IL1RAPL1: variants seen among roughly 807,000 people sequenced by gnomAD.
The protein encoded by IL1RAPL1 is interleukin 1 receptor accessory protein like 1.
A neutral mutation model predicts 48.4 loss-of-function variants in IL1RAPL1; 3 were observed. The observed-to-expected ratio is 0.06, with a 90% CI of 0.03 to 0.16. The LOEUF (loss-of-function observed/expected upper bound fraction) is 0.16. IL1RAPL1 is among the 10% of genes least tolerant of loss of function. The pLI is 1.00. For missense variants in IL1RAPL1, 349 were observed against 530.6 expected, an observed-to-expected ratio of 0.66 and a Z score of 3.36; for synonymous variants, 185 against 187.7, an observed-to-expected ratio of 0.99 and a Z score of 0.12.
intron 2 of IL1RAPL1, among the ~76,000 whole-genome samples, chrX:28,922,787 C>T (rs767686617): frequency 6.1e-4 from 68 of 111,975 alleles, no homozygotes; most frequent in African/African-American, 1.9e-3. Context: ...TATAAGGAGA[C>T]TACATTGTGG....
intron 8 of IL1RAPL1, among the ~76,000 whole-genome samples, chrX:29,941,449 A>T (rs1389043688): frequency 8.9e-6 from 1 of 112,008 alleles, no homozygotes; most frequent in Non-Finnish European, 1.9e-5. Context: ...TGGTTGTCAC[A>T]TACCACCTTA....
chrX:29,642,717 A>G (rs1925204491), intron 5 of IL1RAPL1, among the ~76,000 whole-genome samples: 1 of 112,315 alleles, frequency 8.9e-6, no homozygotes, highest in African/African-American at 3.2e-5. Flanking sequence ...GCTCTAGACC[A>G]ATCATTTCTA....
intron 3 of IL1RAPL1, among the ~76,000 whole-genome samples, chrX:29,373,373 T>G (rs1316124812): frequency 8.9e-6 from 1 of 112,023 alleles, no homozygotes; most frequent in Admixed American, 9.5e-5. Context: ...GAGAGAGAGT[T>G]TGAATTCTTA....
At chrX:29,820,776 G>T (rs1159698648) in intron 6 of IL1RAPL1, among the ~76,000 whole-genome samples, 1 of 111,987 alleles carries the variant, frequency 8.9e-6, no homozygotes, top group Non-Finnish European at 1.9e-5. Flanking sequence ...GTAAGTATTA[G>T]AGTCAAGGCT....
chrX:28,735,081 A>G (rs1208810312), intron 1 of IL1RAPL1, among the ~76,000 whole-genome samples: 3 of 111,949 alleles, frequency 2.7e-5, no homozygotes, highest in Non-Finnish European at 5.6e-5. Context: ...GTTCTGTACC[A>G]CCTATGAAGT....
intron 6 of IL1RAPL1, among the ~76,000 whole-genome samples, chrX:29,772,881 A>G (rs1345515613): frequency 2.7e-5 from 3 of 111,475 alleles, no homozygotes; most frequent in Non-Finnish European, 5.6e-5. Context: ...TTCCTCAGGA[A>G]TCCCTTTAAA....
intron 1 of IL1RAPL1, among the ~76,000 whole-genome samples, chrX:28,755,137 G>C (rs1265838455): frequency 9.0e-6 from 1 of 111,437 alleles, no homozygotes; most frequent in Non-Finnish European, 1.9e-5. Flanking sequence ...GGGATTACAG[G>C]TGCCTGCCAC....
rs916096090 is a variant in IL1RAPL1, at chrX:28,775,177, A to G, written c.-24-14143A>G. On this transcript the variant is annotated intron_variant, in intron 1 of 10. Transcript: ENST00000378993. Reference sequence around the variant, plus strand: ...CTTGTATTTGTCTCCTAGGGCTGCCATAACAAATTACCACAAACAGGGTAG... The same window carrying G: ...CTTGTATTTGTCTCCTAGGGCTGCCGTAACAAATTACCACAAACAGGGTAG... 6.2e-5 allele frequency among the ~76,000 whole-genome samples: 7 copies of G among 112,133 alleles called. No individual in the cohort carries two copies. In the Admixed American group the frequency reaches 6.7e-4, roughly 11 times the overall value.
intron 2 of IL1RAPL1, among the ~76,000 whole-genome samples, chrX:28,961,752 A>G (rs947834392): frequency 9.0e-6 from 1 of 111,560 alleles, no homozygotes; most frequent in African/African-American, 3.3e-5. Flanking sequence ...GTGACTGTTC[A>G]TTCCCCCTCT....
Position 28,714,235 on chromosome X carries a change from C to A in IL1RAPL1, c.-24-75085C>A, listed in dbSNP as rs772911438. On this transcript the variant is annotated intron_variant, in intron 1 of 10. Coordinates refer to ENST00000378993, the MANE Select transcript of IL1RAPL1 (RefSeq NM_014271.4). Reference sequence around the variant, plus strand: ...AAACCTGTCTCATTTTTCCAACTTACACCTTGCATCATCTCTCTTTCCTTA... The same window carrying A: ...AAACCTGTCTCATTTTTCCAACTTAAACCTTGCATCATCTCTCTTTCCTTA... 3.7e-3 allele frequency among the ~76,000 whole-genome samples: 418 copies of A among 111,745 alleles called. 2 individuals are homozygous for A. Among genetic ancestry groups the A allele is most frequent in the African/African-American group, 0.013 (402 of 30,818 alleles).
intron 1 of IL1RAPL1, among the ~76,000 whole-genome samples, chrX:28,624,014 T>A (rs1292070899): frequency 8.9e-6 from 1 of 111,891 alleles, no homozygotes; most frequent in East Asian, 2.8e-4. Flanking sequence ...AGGAAAAAAA[T>A]TAATTTGAAC....
chrX:29,169,108 G>T (rs1486085089), intron 2 of IL1RAPL1, among the ~76,000 whole-genome samples: 1 of 108,321 alleles, frequency 9.2e-6, no homozygotes, highest in Non-Finnish European at 1.9e-5. Context: ...ACTGTGAATA[G>T]TGCTGCAATA....
chrX:29,518,027 C>A lies in IL1RAPL1; in HGVS notation c.703+118719C>A, dbSNP rs5927685. ...CGCTCAATATAGGTTAGGCAATATT[C>A]TGGCCATATGACCTCTAATATTCTT... is the stretch of plus-strand genomic sequence containing the variant. On this transcript the variant is annotated intron_variant, in intron 5 of 10. Coordinates refer to ENST00000378993, the MANE Select transcript of IL1RAPL1 (RefSeq NM_014271.4). Among the ~76,000 whole-genome samples the A allele has an allele frequency of 6.6e-3, 742 of 111,773 alleles. 1 individual carries two copies. Among genetic ancestry groups the A allele is most frequent in the Non-Finnish European group, 0.012 (642 of 53,195 alleles).
intron 2 of IL1RAPL1, among the ~76,000 whole-genome samples, chrX:29,065,982 G>T (rs1322017504): frequency 2.7e-5 from 3 of 111,189 alleles, no homozygotes; most frequent in African/African-American, 6.5e-5. Flanking sequence ...ATGCTTATAT[G>T]GCTGCTTTGG....
intron 1 of IL1RAPL1, among the ~76,000 whole-genome samples, chrX:28,617,065 A>T (rs1261458907): frequency 1.8e-5 from 2 of 112,568 alleles, no homozygotes; most frequent in Non-Finnish European, 3.7e-5. Flanking sequence ...TAAAACTTTC[A>T]ATAATGTTTT....
chrX:29,772,335 A>G (rs999173170), intron 6 of IL1RAPL1, among the ~76,000 whole-genome samples: 2 of 111,056 alleles, frequency 1.8e-5, no homozygotes, highest in Non-Finnish European at 3.8e-5. Flanking sequence ...GTATGATAGA[A>G]TCTGACCAAA....
At chrX:29,873,150 A>G (rs780609800) in intron 6 of IL1RAPL1, among the ~76,000 whole-genome samples, 32 of 111,533 alleles carry the variant, frequency 2.9e-4, no homozygotes, top group African/African-American at 1.0e-3. Context: ...ACTCCATGTC[A>G]TTGACTGACA....
intron 2 of IL1RAPL1, among the ~76,000 whole-genome samples, chrX:29,268,176 C>T (rs1931986369): frequency 9.0e-6 from 1 of 111,570 alleles, no homozygotes; most frequent in South Asian, 3.8e-4. Flanking sequence ...TTTTTCCGGG[C>T]CCTGTATTAT....
intron 3 of IL1RAPL1, among the ~76,000 whole-genome samples, chrX:29,384,351 A>G (rs759325253): frequency 3.6e-5 from 4 of 111,886 alleles, no homozygotes; most frequent in African/African-American, 1.3e-4. Context: ...TTCATCACCA[A>G]TGCCATTTGT....
Sources: allele counts gnomAD v4.1 joint callset (sites outside exome capture counted in the v4.1 genomes callset), GRCh38; gene constraint gnomAD v4.1.1; transcripts MANE v1.5; gene names NCBI Gene and HGNC (gene_info 2026-07-23, HGNC 2026-07-21).